The following MMD2 variants were observed in gnomAD, a reference collection of about 807,000 sequenced individuals.
MMD2 encodes monocyte to macrophage differentiation factor 2.
In MMD2, 30 loss-of-function variants were observed where a neutral mutation model predicts 33.5. The observed-to-expected ratio is 0.90, with a 90% CI of 0.67 to 1.22. The LOEUF (loss-of-function observed/expected upper bound fraction) is 1.22, where lower values mean the gene tolerates loss of function less well. Among genes scored for constraint, MMD2 ranks in the 50% most tolerant of loss-of-function variants. The pLI, the probability that MMD2 is intolerant of heterozygous loss-of-function variation, is 0.00. For synonymous variants in MMD2, 129 were observed against 123.0 expected, an observed-to-expected ratio of 1.05 and a Z score of -0.32; for missense variants, 364 against 325.4, an observed-to-expected ratio of 1.12 and a Z score of -0.91.
chr7:4,918,718 C>T (rs911842488), intron 3 of MMD2, among the ~76,000 whole-genome samples: 1 of 151,890 alleles, frequency 6.6e-6, no homozygotes, highest in Non-Finnish European at 1.5e-5. Context: ...AAACTCTTGA[C>T]CTCAAGTGAT....
chr7:4,949,198 A>G (rs1490874274), intron 1 of MMD2, among the ~76,000 whole-genome samples: 1 of 152,134 alleles, frequency 6.6e-6, no homozygotes, highest in Admixed American at 6.6e-5. Flanking sequence ...CAATAGAGTG[A>G]GACTCTGTCT....
intron 1 of MMD2, among the ~76,000 whole-genome samples, chr7:4,935,187 A>G (rs2115129801): frequency 1.3e-5 from 2 of 151,418 alleles, no homozygotes. Flanking sequence ...CTCTGCCTCA[A>G]AAAAAGAAAA....
intron 6 of MMD2, among the ~76,000 whole-genome samples, chr7:4,907,884 G>A (rs1784904228): frequency 6.6e-6 from 1 of 152,104 alleles, no homozygotes; most frequent in African/African-American, 2.4e-5. Context: ...GTAGCTCACT[G>A]TAGCCTCCAA....
chr7:4,904,760 C>T (rs1784838932), downstream of MMD2, among the ~76,000 whole-genome samples: 4 of 152,176 alleles, frequency 2.6e-5, no homozygotes, highest in Admixed American at 2.6e-4. Context: ...GACCAAAGCT[C>T]CCACAATGCC....
rs1047794313 is a variant in MMD2 at position 4,944,538 on chromosome 7, G to A, written c.47+14433C>T. On this transcript the variant is annotated intron_variant, in intron 1 of 6. Coordinates refer to ENST00000401401, the MANE Select transcript of MMD2 (RefSeq NM_198403.4). ...CTCTCAGCACTCCTACTATTCCTGCGAAAGGACTGGTGGAAGATCGAGGAG... is the reference window on the plus strand; with the variant it reads ...CTCTCAGCACTCCTACTATTCCTGCAAAAGGACTGGTGGAAGATCGAGGAG... Among the ~76,000 whole-genome samples the A allele has an allele frequency of 2.0e-5, 3 of 152,086 alleles. No individual in the cohort carries two copies. In the East Asian group the frequency reaches 5.8e-4, roughly 29 times the overall value.
downstream of MMD2, among the ~76,000 whole-genome samples, chr7:4,902,833 C>T (rs1048809814): frequency 2.6e-5 from 4 of 152,234 alleles, no homozygotes; most frequent in African/African-American, 9.6e-5. Flanking sequence ...ATGAAGCCAT[C>T]ATGGGCACCC....
chr7:4,907,320 G>A lies in MMD2; in HGVS notation c.*76C>T, dbSNP rs60272141. ...CAATAAAGGGAAGACAGGCCTTGGC[G>A]CTGTGCTCTGGGTTAACGTTCACAG... On this transcript the variant is annotated 3_prime_UTR_variant, in exon 7 of 7. Coordinates refer to ENST00000401401, the MANE Select transcript of MMD2 (RefSeq NM_198403.4). 0.055 allele frequency: 79,050 copies of A among 1,432,742 alleles called. 3,190 individuals carry two copies. The highest frequency in any genetic ancestry group is 0.22 in the East Asian group (9,841 of 43,894). 88.8% of individuals were successfully genotyped at this position (1,432,742 alleles called of 1,614,324 possible). A position where few individuals can be genotyped will look rare whatever the true frequency, so the allele number is the denominator to read the frequency against.
chr7:4,937,539 C>T (rs1356772290), intron 1 of MMD2, among the ~76,000 whole-genome samples: 1 of 152,130 alleles, frequency 6.6e-6, no homozygotes, highest in Non-Finnish European at 1.5e-5. Context: ...GACAGGTTCT[C>T]GCCCTGTCAT....
intron 1 of MMD2, among the ~76,000 whole-genome samples, chr7:4,927,036 G>A (rs879386770): frequency 6.6e-5 from 10 of 151,882 alleles, no homozygotes; most frequent in East Asian, 5.9e-4. Flanking sequence ...GAGCCACCGC[G>A]CCCGGCCAAG....
chr7:4,916,571 C>T (rs1391860028), intron 3 of MMD2, among the ~76,000 whole-genome samples: 2 of 151,614 alleles, frequency 1.3e-5, no homozygotes, highest in Non-Finnish European at 2.9e-5. Context: ...TTAGTAGAGA[C>T]GGGGTTTCGC....
intron 1 of MMD2, among the ~76,000 whole-genome samples, chr7:4,939,156 C>T (rs1428176236): frequency 5.9e-5 from 9 of 151,784 alleles, no homozygotes; most frequent in Admixed American, 4.6e-4. Context: ...CAGCTGAGAT[C>T]GTGCCACTGC....
intron 1 of MMD2, among the ~76,000 whole-genome samples, chr7:4,947,280 C>T (rs112288497): frequency 0.053 from 8,071 of 152,048 alleles, 725 homozygotes; most frequent in African/African-American, 0.19. Context: ...GGAAGCATGG[C>T]GGCTTCTGCT....
the MMD2 span, among the ~76,000 whole-genome samples, chr7:4,893,929 T>C: frequency 6.6e-6 from 1 of 152,154 alleles, no homozygotes; most frequent in South Asian, 2.1e-4. Flanking sequence ...TTCCTCGCCA[T>C]CTTGGTTTTG....
At chr7:4,896,270 A>G in the MMD2 span, among the ~76,000 whole-genome samples, 1 of 152,118 alleles carries the variant, frequency 6.6e-6, no homozygotes, top group African/African-American at 2.4e-5. Context: ...GCCTGAGCTC[A>G]GGAGTTTGAG....
At chr7:4,921,639 A>C (rs1269784261) in intron 2 of MMD2, among the ~76,000 whole-genome samples, 1 of 151,046 alleles carries the variant, frequency 6.6e-6, no homozygotes, top group Non-Finnish European at 1.5e-5. Flanking sequence ...AAAAAAAAAA[A>C]AGTAGGCAGG....
At chr7:4,934,403 G>C (rs1318603595) in intron 1 of MMD2, among the ~76,000 whole-genome samples, 1 of 152,200 alleles carries the variant, frequency 6.6e-6, no homozygotes, top group Non-Finnish European at 1.5e-5. Context: ...GGGCCTGGCA[G>C]GGATGCATGT....
chr7:4,913,100 C>T (rs954644482), intron 4 of MMD2, among the ~76,000 whole-genome samples: 7 of 151,936 alleles, frequency 4.6e-5, no homozygotes, highest in African/African-American at 7.3e-5. Flanking sequence ...TAAGTAACAC[C>T]GAAAAGTTTA....
At position 4,912,374 on chromosome 7, in the gene MMD2, T is replaced by C. The variant is rs534811446; in HGVS notation, c.366-1128A>G. ...GAGATTGAGACCATCCTGGCTAACA[T>C]GGTGAAACCCCGTCTCTACTAAAAA... On this transcript the variant is annotated intron_variant, in intron 4 of 6. Coordinates refer to ENST00000401401, the MANE Select transcript of MMD2 (RefSeq NM_198403.4). Among the ~76,000 whole-genome samples the C allele has an allele frequency of 8.6e-5, 13 of 151,800 alleles. No individual in the cohort carries two copies. In the East Asian group the frequency reaches 1.0e-3, roughly 12 times the overall value.
In MMD2 at chr7:4,911,132, A is replaced by G. The variant is rs1403564250; in HGVS notation, c.467+13T>C. On this transcript the variant is annotated intron_variant, in intron 5 of 6. Transcript: ENST00000401401. ...GGAATCCCGCCTCCCTGAAGCCCCCAGGCCTGGCTTACCGCTCATGGAAGA... is the reference window on the plus strand; with the variant it reads ...GGAATCCCGCCTCCCTGAAGCCCCCGGGCCTGGCTTACCGCTCATGGAAGA... 2 of 1,564,986 alleles carry G rather than the reference A, an allele frequency of 1.3e-6. No individual in the cohort carries two copies. The highest frequency in any genetic ancestry group is 8.7e-7 in the Non-Finnish European group (1 of 1,154,866).
Sources: gnomAD v4.1 joint callset for allele counts (sites outside exome capture counted in the v4.1 genomes callset) on GRCh38, gnomAD v4.1.1 for gene constraint, MANE v1.5 for transcripts, NCBI Gene and HGNC (gene_info 2026-07-23, HGNC 2026-07-21) for gene names.